Variants in HPCAL1 observed in about 807,000 individuals in gnomAD.
HPCAL1 encodes hippocalcin-like protein 1.
A neutral mutation model predicts 17.1 loss-of-function variants in HPCAL1; 8 were observed. The ratio of observed to expected loss-of-function variants is 0.47; its 90% confidence interval spans 0.27 to 0.84. The LOEUF (loss-of-function observed/expected upper bound fraction) is 0.84. Among genes scored for constraint, HPCAL1 ranks in the 40% least tolerant of loss-of-function variants. HPCAL1 has a pLI of 0.13. For synonymous variants in HPCAL1, 112 were observed against 111.4 expected (o/e 1.01, Z -0.03); for missense variants, 165 against 271.1 (o/e 0.61, Z 2.75).
At position 10,330,428 on chromosome 2, in the gene HPCAL1, T is replaced by C. The variant is rs190127872; in HGVS notation, c.-111+27251T>C. On this transcript the variant is annotated intron_variant, in intron 1 of 4. Transcript: ENST00000307845. This position sits in a 1 kb window ranked among gnomAD's most constrained non-coding sequence, Gnocchi z 4.2. ...ACCTTCCCGGTGTATTAGTCAGCTCTGGCTGCTGGAAACGGGGTCATAGTC... is the reference window on the plus strand; with the variant it reads ...ACCTTCCCGGTGTATTAGTCAGCTCCGGCTGCTGGAAACGGGGTCATAGTC... 2.5e-3 allele frequency among the ~76,000 whole-genome samples: 377 copies of C among 152,290 alleles called. 4 individuals carry two copies. Among genetic ancestry groups the C allele is most frequent in the African/African-American group, 8.7e-3 (360 of 41,560 alleles).
At chr2:10,339,784 C>T (rs1056906264) in intron 1 of HPCAL1, among the ~76,000 whole-genome samples, 2 of 152,204 alleles carry the variant, frequency 1.3e-5, no homozygotes, top group Non-Finnish European at 2.9e-5. Context: ...GGAGATAGCT[C>T]GCCATGTTCA....
intron 1 of HPCAL1, among the ~76,000 whole-genome samples, chr2:10,356,275 T>A (rs1352460768): frequency 6.6e-6 from 1 of 152,134 alleles, no homozygotes; most frequent in African/African-American, 2.4e-5. Context: ...TAGTGAATCA[T>A]GAGTGCAGCA....
chr2:10,386,518 C>T (rs1275245980), intron 1 of HPCAL1, among the ~76,000 whole-genome samples: 2 of 152,122 alleles, frequency 1.3e-5, no homozygotes, highest in Non-Finnish European at 1.5e-5. Flanking sequence ...GGTAAGCCCT[C>T]CCAAGTGGCC....
chr2:10,338,076 G>T (rs1436404575), intron 1 of HPCAL1, among the ~76,000 whole-genome samples: 1 of 152,144 alleles, frequency 6.6e-6, no homozygotes, highest in Non-Finnish European at 1.5e-5. Context: ...TAGAAGTGGC[G>T]CATTTAGAAG....
At chr2:10,305,825 G>A (rs1414562805) in intron 1 of HPCAL1, among the ~76,000 whole-genome samples, 1 of 152,220 alleles carries the variant, frequency 6.6e-6, no homozygotes, top group Admixed American at 6.5e-5. Context: ...GACAAGGACT[G>A]GACTTCGCTT....
intron 1 of HPCAL1, among the ~76,000 whole-genome samples, chr2:10,361,560 G>A (rs1666528233): frequency 6.6e-6 from 1 of 152,138 alleles, no homozygotes. Flanking sequence ...ACACAGGTGT[G>A]AAAGCCCTTC....
chr2:10,422,554 T>C (rs1671130837), intron 3 of HPCAL1, among the ~76,000 whole-genome samples: 1 of 152,192 alleles, frequency 6.6e-6, no homozygotes, highest in African/African-American at 2.4e-5. Context: ...GTGATGGGGC[T>C]TGCCCTGTGA....
intron 1 of HPCAL1, among the ~76,000 whole-genome samples, chr2:10,379,502 G>C (rs1410555625): frequency 6.6e-6 from 1 of 151,958 alleles, no homozygotes; most frequent in Non-Finnish European, 1.5e-5. Flanking sequence ...TGCAATGGGA[G>C]CTGAGCAGTG....
intron 2 of HPCAL1, among the ~76,000 whole-genome samples, chr2:10,398,914 C>T (rs971630473): frequency 1.3e-5 from 2 of 152,050 alleles, no homozygotes; most frequent in Non-Finnish European, 2.9e-5. Flanking sequence ...GGGGCCACTT[C>T]CACTCCTTCA....
At chr2:10,372,326 G>A (rs970978092) in intron 1 of HPCAL1, among the ~76,000 whole-genome samples, 1 of 152,188 alleles carries the variant, frequency 6.6e-6, no homozygotes, top group African/African-American at 2.4e-5. Flanking sequence ...TCATAGGAGC[G>A]AATGGAGCAC....
chr2:10,342,842 T>C lies in HPCAL1; in HGVS notation c.-111+39665T>C, dbSNP rs887230604. Among the ~76,000 whole-genome samples, 1 of 152,214 alleles carries C rather than the reference T, an allele frequency of 6.6e-6. No homozygotes were observed. The highest frequency in any genetic ancestry group is 1.5e-5 in the Non-Finnish European group (1 of 68,026). On this transcript the variant is annotated intron_variant, in intron 1 of 4. Transcript: ENST00000307845. The surrounding 1 kb of genome is among the most constrained non-coding windows in gnomAD (Gnocchi z 4.1). The stretch of plus-strand genomic sequence containing the variant: ...GGATTCTCTTCTTCTGTCCATCTCA[T>C]GGCTGAAGACCAAGGCTATGGCCTG...
chr2:10,340,856 G>A (rs114663876), intron 1 of HPCAL1, among the ~76,000 whole-genome samples: 3,409 of 152,202 alleles, frequency 0.022, 82 homozygotes, highest in South Asian at 0.13. Context: ...ACTGCCCTCC[G>A]GGTAAGACAG....
chr2:10,379,876 T>C (rs571734729), intron 1 of HPCAL1, among the ~76,000 whole-genome samples: 1 of 152,308 alleles, frequency 6.6e-6, no homozygotes, highest in African/African-American at 2.4e-5. Context: ...AACCAGTGGC[T>C]CTTTCTTAGT....
rs994826402 is a variant in HPCAL1 at position 10,394,712 on chromosome 2, G to A, written c.-110-2123G>A. Reference sequence around the variant, plus strand: ...TCTGGCAGGGGATGTGGATCGTGGGGAAGGCTGTGGCCGGGAGTGGTGTAA... The same window carrying A: ...TCTGGCAGGGGATGTGGATCGTGGGAAAGGCTGTGGCCGGGAGTGGTGTAA... On this transcript the variant is annotated intron_variant, in intron 1 of 4. Transcript: ENST00000307845. This position sits in a 1 kb window ranked among gnomAD's most constrained non-coding sequence, Gnocchi z 5.0. Among the ~76,000 whole-genome samples, 5 of 152,222 alleles carry A rather than the reference G, an allele frequency of 3.3e-5. No individual in the cohort carries two copies. In the East Asian group the frequency reaches 9.6e-4, roughly 29 times the overall value.
chr2:10,400,779 A>ACG (rs940621889), intron 2 of HPCAL1, among the ~76,000 whole-genome samples: 3 of 151,794 alleles, frequency 2.0e-5, no homozygotes, highest in African/African-American at 7.3e-5. Flanking sequence ...ACATACACAC[A>ACG]CGCACACACA....
At chr2:10,334,621 A>C (rs556324060) in intron 1 of HPCAL1, among the ~76,000 whole-genome samples, 1 of 152,174 alleles carries the variant, frequency 6.6e-6, no homozygotes, top group Non-Finnish European at 1.5e-5. Context: ...AGCTGTATCC[A>C]TGTTGATACA....
chr2:10,318,304 C>G (rs763579892), intron 1 of HPCAL1, among the ~76,000 whole-genome samples: 1 of 151,846 alleles, frequency 6.6e-6, no homozygotes, highest in Non-Finnish European at 1.5e-5. Flanking sequence ...CCTCCACCCC[C>G]GCCCCAGACT....
At chr2:10,361,879 C>A (rs112759630) in intron 1 of HPCAL1, among the ~76,000 whole-genome samples, 2,222 of 152,064 alleles carry the variant, frequency 0.015, 34 homozygotes, top group Middle Eastern at 0.041. Flanking sequence ...ACCATGCCTG[C>A]CTAATTTTTG....
chr2:10,414,896 C>T (rs891959848), intron 2 of HPCAL1, among the ~76,000 whole-genome samples: 1 of 152,316 alleles, frequency 6.6e-6, no homozygotes, highest in Non-Finnish European at 1.5e-5. Context: ...CAGCGGCAGA[C>T]GGGAGGCTGA....
Sources: gnomAD v4.1 joint callset for allele counts (sites outside exome capture counted in the v4.1 genomes callset) on GRCh38, gnomAD v4.1.1 for gene constraint, Gnocchi (gnomAD v3.1) non-coding constraint, MANE v1.5 for transcripts, NCBI Gene and HGNC (gene_info 2026-07-23, HGNC 2026-07-21) for gene names.